Variants in CSMD1 observed in about 807,000 individuals in gnomAD.
The protein encoded by CSMD1 is CUB and Sushi multiple domains 1.
A neutral mutation model predicts 417.5 loss-of-function variants in CSMD1; 213 were observed. That is an observed-to-expected ratio of 0.51 (90% CI 0.46 to 0.57). The LOEUF (loss-of-function observed/expected upper bound fraction) is 0.57, where lower values mean the gene tolerates loss of function less well. CSMD1 is among the 20% of genes least tolerant of loss of function. The probability of loss-of-function intolerance (pLI) is 0.00; values close to 1 mark genes in which losing one functional copy is unlikely to be tolerated. For synonymous variants in CSMD1, 2,862 were observed against 1,736.8 expected, an observed-to-expected ratio of 1.65 and a Z score of -16.11; for missense variants, 6,923 against 4,529.7, an observed-to-expected ratio of 1.53 and a Z score of -15.17.
Position 3,929,756 on chromosome 8 carries a change from G to C in CSMD1, c.818+68147C>G, listed in dbSNP as rs1419807766. 6.7e-5 allele frequency among the ~76,000 whole-genome samples: 10 copies of C among 149,710 alleles called. 2 individuals carry two copies. The stretch of plus-strand genomic sequence containing the variant: ...GGCTCACTGCAACCTCAGCCTCCTG[G>C]ATACAAGCAATTCTCCTGTCTCAGC... On this transcript the variant is annotated intron_variant, in intron 5 of 69. Transcript: ENST00000635120.
At chr8:3,636,106 A>G (rs1797033787) in intron 7 of CSMD1, among the ~76,000 whole-genome samples, 1 of 152,080 alleles carries the variant, frequency 6.6e-6, no homozygotes, top group Admixed American at 6.5e-5. Flanking sequence ...GTTTTGTGTT[A>G]AGAACTAAGG....
intron 5 of CSMD1, among the ~76,000 whole-genome samples, chr8:3,956,011 T>C (rs188846614): frequency 2.2e-3 from 335 of 152,292 alleles, no homozygotes; most frequent in African/African-American, 7.7e-3. Flanking sequence ...GCCAGGATGG[T>C]CTCGAACTCC....
intron 55 of CSMD1, among the ~76,000 whole-genome samples, chr8:2,978,239 G>A (rs181959479): frequency 1.8e-4 from 27 of 152,300 alleles, no homozygotes; most frequent in Admixed American, 2.6e-4. Flanking sequence ...TGGGCTGAGC[G>A]AGAGTAAGAC....
chr8:3,372,188 G>C (rs900973209), intron 18 of CSMD1, among the ~76,000 whole-genome samples: 1 of 152,130 alleles, frequency 6.6e-6, no homozygotes, highest in Non-Finnish European at 1.5e-5. Flanking sequence ...CTATAAATAA[G>C]GACTTGAGAG....
At chr8:3,685,020 T>C (rs1799875924) in intron 7 of CSMD1, among the ~76,000 whole-genome samples, 1 of 152,116 alleles carries the variant, frequency 6.6e-6, no homozygotes, top group Non-Finnish European at 1.5e-5. Context: ...TGAGCTCCAC[T>C]TAGAAGGATC....
chr8:3,759,852 G>A lies in CSMD1; in HGVS notation c.819-5810C>T, dbSNP rs558445803. On this transcript the variant is annotated intron_variant, in intron 5 of 69. Coordinates refer to ENST00000635120, the MANE Select transcript of CSMD1 (RefSeq NM_033225.6). ...GAACCTGAGAGGCAGAGGTTGCAGTGACCCGGAGATTGCACTGTTGCACTC... is the reference window on the plus strand; with the variant it reads ...GAACCTGAGAGGCAGAGGTTGCAGTAACCCGGAGATTGCACTGTTGCACTC... 2.0e-5 allele frequency among the ~76,000 whole-genome samples: 3 copies of A among 148,196 alleles called. No individual in the cohort carries two copies. In the East Asian group the frequency reaches 6.0e-4, roughly 30 times the overall value.
At chr8:3,283,648 G>T (rs1030551283) in intron 26 of CSMD1, among the ~76,000 whole-genome samples, 3 of 152,086 alleles carry the variant, frequency 2.0e-5, no homozygotes, top group African/African-American at 7.2e-5. Context: ...TAATTCTCTG[G>T]CCTTCCTTGG....
intron 42 of CSMD1, among the ~76,000 whole-genome samples, chr8:3,117,725 C>T (rs571007672): frequency 6.6e-5 from 10 of 152,234 alleles, no homozygotes; most frequent in South Asian, 2.1e-4. Flanking sequence ...AGAAAAAGGA[C>T]GTCTAAAGAG....
At chr8:3,217,293 T>G (rs538374291) in intron 29 of CSMD1, among the ~76,000 whole-genome samples, 32 of 152,362 alleles carry the variant, frequency 2.1e-4, no homozygotes, top group African/African-American at 7.2e-4. Context: ...GGAGAGCTTT[T>G]AAAACCTCAG....
At chr8:4,958,053 G>C (rs533351089) in intron 1 of CSMD1, among the ~76,000 whole-genome samples, 82 of 152,266 alleles carry the variant, frequency 5.4e-4, no homozygotes, top group African/African-American at 1.9e-3. Context: ...GCATTCATTT[G>C]ATAAGAGGGA....
chr8:3,916,018 G>A (rs916373877), intron 5 of CSMD1, among the ~76,000 whole-genome samples: 1 of 151,458 alleles, frequency 6.6e-6, no homozygotes, highest in Non-Finnish European at 1.5e-5. Context: ...GTTGGAAAAT[G>A]TCACTGCAGA....
chr8:4,287,510 C>A (rs1428373766), intron 3 of CSMD1, among the ~76,000 whole-genome samples: 2 of 152,164 alleles, frequency 1.3e-5, no homozygotes, highest in South Asian at 4.2e-4. Flanking sequence ...TTAATATTTA[C>A]ACCACACATG....
At chr8:4,106,664 C>T (rs1233831659) in intron 3 of CSMD1, among the ~76,000 whole-genome samples, 1 of 152,140 alleles carries the variant, frequency 6.6e-6, no homozygotes, top group African/African-American at 2.4e-5. Context: ...ACTATAAAAA[C>T]AGTAAAACAT....
At chr8:3,957,379 C>A (rs928687994) in intron 5 of CSMD1, among the ~76,000 whole-genome samples, 2 of 152,116 alleles carry the variant, frequency 1.3e-5, no homozygotes, top group Admixed American at 6.5e-5. Flanking sequence ...AGGTGTTAAG[C>A]ATAAAAATAT....
chr8:4,136,836 A>T (rs1803468233), intron 3 of CSMD1, among the ~76,000 whole-genome samples: 2 of 152,196 alleles, frequency 1.3e-5, no homozygotes, highest in African/African-American at 4.8e-5. Flanking sequence ...CAAATGTTTG[A>T]CAAACTCTAG....
intron 10 of CSMD1, among the ~76,000 whole-genome samples, chr8:3,521,392 C>A (rs758141611): frequency 2.0e-5 from 3 of 152,190 alleles, no homozygotes; most frequent in Non-Finnish European, 4.4e-5. Context: ...TTCCCAGCAA[C>A]AATTCAGTGC....
intron 5 of CSMD1, among the ~76,000 whole-genome samples, chr8:3,840,798 C>A (rs1480888565): frequency 1.3e-5 from 2 of 151,342 alleles, no homozygotes; most frequent in South Asian, 2.1e-4. Context: ...TGGGTTCAAG[C>A]AATTCTCCTG....
intron 3 of CSMD1, among the ~76,000 whole-genome samples, chr8:4,232,284 C>A (rs1227596211): frequency 6.6e-6 from 1 of 152,128 alleles, no homozygotes; most frequent in South Asian, 2.1e-4. Context: ...CTGCAACCTC[C>A]GCCTCCCAGG....
chr8:3,025,734 A>G (rs1180369365), intron 51 of CSMD1, among the ~76,000 whole-genome samples: 2 of 152,214 alleles, frequency 1.3e-5, no homozygotes, highest in African/African-American at 4.8e-5. Context: ...GGGCTTTGAA[A>G]AATTTTAAAA....
Sources: gnomAD v4.1 joint callset for allele counts (sites outside exome capture counted in the v4.1 genomes callset) on GRCh38, gnomAD v4.1.1 for gene constraint, MANE v1.5 for transcripts, NCBI Gene and HGNC (gene_info 2026-07-23, HGNC 2026-07-21) for gene names.